Variants in DOCK10 observed in about 807,000 individuals in gnomAD.
DOCK10 encodes the protein dedicator of cytokinesis protein 10.
DOCK10 carries 145 observed loss-of-function variants against 280.1 expected under a neutral mutation model. That is an observed-to-expected ratio of 0.52 (90% confidence interval 0.45 to 0.59). The LOEUF is 0.59. DOCK10 is among the 20% of genes least tolerant of loss of function. The probability of loss-of-function intolerance (pLI) is 0.00; values close to 1 mark genes in which losing one functional copy is unlikely to be tolerated. For missense variants in DOCK10, 2,368 were observed against 2,651.7 expected, an observed-to-expected ratio of 0.89 and a Z score of 2.35; for synonymous variants, 915 against 942.2, an observed-to-expected ratio of 0.97 and a Z score of 0.53.
At position 224,849,563 on chromosome 2, in the gene DOCK10, A is replaced by T. The variant is rs1389394174; in HGVS notation, c.2179T>A (p.Ser727Thr). The T allele has an allele frequency of 6.2e-7, 1 of 1,611,626 alleles. No individual in the cohort carries two copies. The highest frequency in any genetic ancestry group is 2.2e-5 in the East Asian group (1 of 44,846). Reference sequence around the variant, plus strand: ...TGCAGAACTGCTGTGTAGGCGGCTGAGGTGAAGAGGGGCCCTCCAGGTTTT... The same window carrying T: ...TGCAGAACTGCTGTGTAGGCGGCTGTGGTGAAGAGGGGCCCTCCAGGTTTT... The part of the protein sequence containing the change: ...YGKPGGPLFT[S>T]AAYTAVLHHS... The change falls in exon 19 of 56, where the codon TCA becomes ACA. Residue 727 changes from serine (S) to threonine (T), a missense_variant. Coordinates refer to ENST00000258390, the MANE Select transcript of DOCK10 (RefSeq NM_014689.3).
chr2:224,888,470 ATG>A (rs1250817727), intron 4 of DOCK10, among the ~76,000 whole-genome samples: 3 of 151,368 alleles, frequency 2.0e-5, no homozygotes, highest in East Asian at 1.9e-4. Flanking sequence ...GTATGTATAT[ATG>A]TGTGTGAATA....
intron 1 of DOCK10, among the ~76,000 whole-genome samples, chr2:225,003,173 AG>A (rs1378785265): frequency 9.7e-4 from 148 of 152,120 alleles, no homozygotes; most frequent in African/African-American, 3.3e-3. Flanking sequence ...CAGCCTCCCG[AG>A]TAGCTGGGAC....
At chr2:224,850,910 T>A (rs928854382) in intron 18 of DOCK10, among the ~76,000 whole-genome samples, 3 of 152,202 alleles carry the variant, frequency 2.0e-5, no homozygotes, top group Non-Finnish European at 4.4e-5. Flanking sequence ...TCTCTTTTCT[T>A]TATAAATTAC....
chr2:225,040,423 C>T (rs917523785), intron 1 of DOCK10, among the ~76,000 whole-genome samples: 1 of 152,060 alleles, frequency 6.6e-6, no homozygotes, highest in African/African-American at 2.4e-5. Context: ...AATCTCCCCT[C>T]CCCCACCTCT....
At chr2:224,878,014 C>T (rs201631117) in intron 7 of DOCK10, among the ~76,000 whole-genome samples, 3 of 152,032 alleles carry the variant, frequency 2.0e-5, no homozygotes, top group African/African-American at 4.8e-5. Flanking sequence ...AAGTAGAATA[C>T]AAATAAGAGA....
At chr2:224,904,496 C>T (rs542241316) in intron 3 of DOCK10, among the ~76,000 whole-genome samples, 249 of 151,994 alleles carry the variant, frequency 1.6e-3, no homozygotes, top group African/African-American at 5.6e-3. Context: ...TTCATATAGC[C>T]CTGAGGTCAC....
intron 3 of DOCK10, among the ~76,000 whole-genome samples, chr2:224,905,715 A>C (rs1237303257): frequency 6.6e-6 from 1 of 152,132 alleles, no homozygotes; most frequent in African/African-American, 2.4e-5. Flanking sequence ...ATTTTATGCC[A>C]TTGATGCACT....
rs577549065 is a variant in DOCK10 at position 224,828,248 on chromosome 2, G to A, written c.3036+2293C>T. On this transcript the variant is annotated intron_variant, in intron 27 of 55. Coordinates refer to ENST00000258390, the MANE Select transcript of DOCK10 (RefSeq NM_014689.3). Reference sequence around the variant, plus strand: ...GAGGTAGGGCAGAACCTCTGCAATTGTACATTGAGGATGTGGGCCAGAAAG... The same window carrying A: ...GAGGTAGGGCAGAACCTCTGCAATTATACATTGAGGATGTGGGCCAGAAAG... Among the ~76,000 whole-genome samples, 204 of 152,292 alleles carry A rather than the reference G, an allele frequency of 1.3e-3. 1 individual carries two copies. The highest frequency in any genetic ancestry group is 4.8e-3 in the African/African-American group (199 of 41,564).
chr2:224,870,808 C>T (rs1045132747), intron 11 of DOCK10, among the ~76,000 whole-genome samples: 2 of 142,862 alleles, frequency 1.4e-5, no homozygotes, highest in African/African-American at 2.8e-5. Context: ...CCATTCATGG[C>T]CACTCCATTT....
At chr2:224,905,297 G>A (rs949999897) in intron 3 of DOCK10, among the ~76,000 whole-genome samples, 2 of 144,156 alleles carry the variant, frequency 1.4e-5, no homozygotes, top group Admixed American at 1.4e-4. Flanking sequence ...CCGGACTGCG[G>A]ACTGCAGCGG....
intron 4 of DOCK10, among the ~76,000 whole-genome samples, chr2:224,888,074 A>G (rs570943181): frequency 6.6e-6 from 1 of 152,340 alleles, no homozygotes; most frequent in East Asian, 1.9e-4. Context: ...ATATATTTGA[A>G]GGAGATAAAG....
chr2:225,013,114 C>G (rs1689489390), intron 1 of DOCK10, among the ~76,000 whole-genome samples: 1 of 152,112 alleles, frequency 6.6e-6, no homozygotes, highest in African/African-American at 2.4e-5. Context: ...GAACTTTAGT[C>G]TGCAGATTAA....
At chr2:224,839,927 C>T in intron 24 of DOCK10, 27 bp downstream of exon 24, 1 of 1,022,232 alleles carries the variant, frequency 9.8e-7, no homozygotes, top group Non-Finnish European at 1.5e-6. Context: ...TATAAAGTCT[C>T]TCCTCTTAAG....
At chr2:224,862,818 A>T in intron 13 of DOCK10, 72 bp from the exon 14 acceptor site, 1 of 899,998 alleles carries the variant, frequency 1.1e-6, no homozygotes. Context: ...ATAATACTAA[A>T]TACTTTTTCA....
intron 1 of DOCK10, among the ~76,000 whole-genome samples, chr2:225,015,866 AGGG>A (rs1689576240): frequency 6.6e-6 from 1 of 152,160 alleles, no homozygotes; most frequent in Non-Finnish European, 1.5e-5. Context: ...ACATTTGGTA[AGGG>A]TATTAAAGTT....
chr2:224,886,949 G>T (rs112309782), intron 4 of DOCK10, among the ~76,000 whole-genome samples: 1,811 of 150,158 alleles, frequency 0.012, 40 homozygotes, highest in African/African-American at 0.043. Context: ...TTTTTGTGGG[G>T]ATGGGGTTTT....
intron 1 of DOCK10, among the ~76,000 whole-genome samples, chr2:224,968,529 T>C (rs1704903647): frequency 6.6e-6 from 1 of 152,242 alleles, no homozygotes; most frequent in South Asian, 2.1e-4. Context: ...GAATTCTGTG[T>C]AAAATGGTGA....
intron 1 of DOCK10, among the ~76,000 whole-genome samples, chr2:224,938,110 G>C (rs913941182): frequency 5.3e-5 from 8 of 152,086 alleles, no homozygotes; most frequent in Admixed American, 1.3e-4. Context: ...GTTATTCTTG[G>C]TTCTCTTTTT....
At chr2:224,794,663 C>G (rs933505464) in intron 45 of DOCK10, among the ~76,000 whole-genome samples, 1 of 152,166 alleles carries the variant, frequency 6.6e-6, no homozygotes, top group Non-Finnish European at 1.5e-5. Flanking sequence ...TGCAGTTGCC[C>G]CCACTGACTC....
Sources: allele counts gnomAD v4.1 joint callset (sites outside exome capture counted in the v4.1 genomes callset), GRCh38; gene constraint gnomAD v4.1.1; transcripts MANE v1.5; gene names NCBI Gene and HGNC (gene_info 2026-07-23, HGNC 2026-07-21).